The following CMSS1 variants were observed in gnomAD, a reference collection of about 807,000 sequenced individuals.
CMSS1 encodes the protein cms1 ribosomal small subunit homolog, also known as protein CMSS1.
In CMSS1, 33 loss-of-function variants were observed where a neutral mutation model predicts 43.5. That is an observed-to-expected ratio of 0.76 (90% CI 0.57 to 1.01). The LOEUF is 1.01. CMSS1 is among the 50% of genes least tolerant of loss of function. The probability of loss-of-function intolerance (pLI) is 0.00; values close to 1 mark genes in which losing one functional copy is unlikely to be tolerated. For missense variants in CMSS1, 313 were observed against 326.4 expected (o/e 0.96, Z 0.32); for synonymous variants, 115 against 117.2 (o/e 0.98, Z 0.12).
intron 1 of CMSS1, chr3:99,930,855 G>A (rs1290460432): frequency 6.2e-7 from 1 of 1,612,602 alleles, no homozygotes; most frequent in African/African-American, 1.3e-5. Context: ...CCACTGTGTG[G>A]CTTCTCTGCC....
At chr3:99,869,941 A>C (rs940250879) in intron 1 of CMSS1, among the ~76,000 whole-genome samples, 1 of 152,122 alleles carries the variant, frequency 6.6e-6, no homozygotes, top group African/African-American at 2.4e-5. Flanking sequence ...AGTGATTTGG[A>C]GCTCTCACAG....
chr3:100,047,229 G>T (rs1468405288), intron 1 of CMSS1, among the ~76,000 whole-genome samples: 1 of 152,122 alleles, frequency 6.6e-6, no homozygotes, highest in African/African-American at 2.4e-5. Flanking sequence ...GGAGGGAAGT[G>T]TTGTTATTTT....
chr3:100,133,695 A>C (rs745844434), intron 1 of CMSS1, among the ~76,000 whole-genome samples: 1 of 152,214 alleles, frequency 6.6e-6, no homozygotes, highest in Non-Finnish European at 1.5e-5. Context: ...GTGGTTCTCG[A>C]AGATCAATCC....
intron 1 of CMSS1, among the ~76,000 whole-genome samples, chr3:100,024,917 T>C (rs1350956488): frequency 6.6e-6 from 1 of 152,188 alleles, no homozygotes; most frequent in Admixed American, 6.5e-5. Context: ...AGGACTGATA[T>C]CCTGGGCTTT....
chr3:100,169,108 G>A (rs2067089454), intron 6 of CMSS1, among the ~76,000 whole-genome samples: 1 of 151,994 alleles, frequency 6.6e-6, no homozygotes, highest in Non-Finnish European at 1.5e-5. Flanking sequence ...TTTAATAAGT[G>A]GTGTTGGAAC....
chr3:100,122,641 G>A (rs368142108), intron 1 of CMSS1, among the ~76,000 whole-genome samples: 8 of 152,118 alleles, frequency 5.3e-5, no homozygotes, highest in East Asian at 3.8e-4. Flanking sequence ...GCTCTCAACC[G>A]CAAATAGCTT....
intron 1 of CMSS1, among the ~76,000 whole-genome samples, chr3:99,906,489 CTGT>C (rs1468403556): frequency 1.3e-5 from 2 of 152,114 alleles, no homozygotes; most frequent in African/African-American, 4.8e-5. Flanking sequence ...CCTTTTCATC[CTGT>C]TGTTGTATTT....
intron 1 of CMSS1, among the ~76,000 whole-genome samples, chr3:99,862,616 T>TGACAACTACTGAATGTCTCCA (rs998648535): frequency 1.3e-5 from 2 of 152,216 alleles, no homozygotes; most frequent in Admixed American, 6.5e-5. Context: ...AGCTCAGTTG[T>TGACAACTACTGAATGTCTCCA]GACAACTACT....
intron 1 of CMSS1, among the ~76,000 whole-genome samples, chr3:100,060,503 A>C (rs1008097598): frequency 1.4e-4 from 22 of 152,158 alleles, no homozygotes; most frequent in African/African-American, 5.3e-4. Flanking sequence ...CCCAAGAAAA[A>C]AAAAATACAT....
chr3:99,939,670 A>G (rs556632559), intron 1 of CMSS1, among the ~76,000 whole-genome samples: 39 of 152,310 alleles, frequency 2.6e-4, no homozygotes, highest in African/African-American at 9.4e-4. Context: ...GGATCCAAAA[A>G]TTTGATAGTA....
intron 1 of CMSS1, among the ~76,000 whole-genome samples, chr3:99,975,925 TC>T (rs1708956442): frequency 6.6e-6 from 1 of 152,148 alleles, no homozygotes; most frequent in Non-Finnish European, 1.5e-5. Context: ...CGCTCTGTTG[TC>T]CAGGCTGGAG....
At chr3:100,124,691 G>A (rs964379059) in intron 1 of CMSS1, among the ~76,000 whole-genome samples, 5 of 152,096 alleles carry the variant, frequency 3.3e-5, no homozygotes, top group African/African-American at 1.2e-4. Context: ...TCCCCAAATG[G>A]CAAAAGGCCA....
chr3:99,887,491 A>C (rs1269645265), intron 1 of CMSS1, among the ~76,000 whole-genome samples: 1 of 152,210 alleles, frequency 6.6e-6, no homozygotes, highest in Non-Finnish European at 1.5e-5. Context: ...CTGAGAGGTC[A>C]CATAAGATGG....
intron 1 of CMSS1, among the ~76,000 whole-genome samples, chr3:100,128,371 T>C (rs1373755881): frequency 6.6e-6 from 1 of 152,228 alleles, no homozygotes; most frequent in Non-Finnish European, 1.5e-5. Context: ...TTAGATATTA[T>C]ATTTACTTCA....
chr3:100,160,866 TC>T (rs2067017502), intron 3 of CMSS1, among the ~76,000 whole-genome samples: 1 of 152,184 alleles, frequency 6.6e-6, no homozygotes, highest in Non-Finnish European at 1.5e-5. Flanking sequence ...ACCTCCTTTT[TC>T]TATTCATTCC....
At chr3:100,010,286 C>T (rs9875664) in intron 1 of CMSS1, 51,004 of 240,626 alleles carry the variant, frequency 0.21, 5,870 homozygotes, top group South Asian at 0.25. Context: ...CTGTGTTCTG[C>T]ATGGAAGGAA....
rs372163637 is a variant in CMSS1 at position 100,037,374 on chromosome 3, AT to A, written c.65-109593del. Among the ~76,000 whole-genome samples, 689 of 152,284 alleles carry A rather than the reference AT, an allele frequency of 4.5e-3. 7 individuals carry two copies. The highest frequency in any genetic ancestry group is 0.016 in the African/African-American group (675 of 41,568). On this transcript the variant is annotated intron_variant, in intron 1 of 9. Coordinates refer to ENST00000421999, the MANE Select transcript of CMSS1 (RefSeq NM_032359.4). Reference sequence around the variant, plus strand: ...GGTGAATATGGGTGAAGGGTAAAAGATTTTTTGTAGTATTCTTGCAAATTTT... The same window carrying A: ...GGTGAATATGGGTGAAGGGTAAAAGATTTTTGTAGTATTCTTGCAAATTTT...
At chr3:100,175,919 C>T (rs1257252803) in intron 8 of CMSS1, among the ~76,000 whole-genome samples, 1 of 152,202 alleles carries the variant, frequency 6.6e-6, no homozygotes, top group Non-Finnish European at 1.5e-5. Context: ...TCATCTTTCT[C>T]CCCACTCACC....
chr3:99,821,092 G>A (rs1179969577), intron 1 of CMSS1, among the ~76,000 whole-genome samples: 1 of 152,156 alleles, frequency 6.6e-6, no homozygotes, highest in Non-Finnish European at 1.5e-5. Context: ...CTAAGGAACT[G>A]TACTATTTTT....
Sources: gnomAD v4.1 joint callset for allele counts (sites outside exome capture counted in the v4.1 genomes callset) on GRCh38, gnomAD v4.1.1 for gene constraint, MANE v1.5 for transcripts, NCBI Gene and HGNC (gene_info 2026-07-23, HGNC 2026-07-21) for gene names.